The following BTNL8 variants were observed in gnomAD, a reference collection of about 807,000 sequenced individuals.
BTNL8 encodes the protein butyrophilin like 8, also known as butyrophilin-like protein 8.
In BTNL8, 22 loss-of-function variants were observed where a neutral mutation model predicts 36.1. The observed-to-expected ratio is 0.61, with a 90% CI of 0.44 to 0.87. The LOEUF (loss-of-function observed/expected upper bound fraction) is 0.87, where lower values mean the gene tolerates loss of function less well. Ranked by LOEUF, BTNL8 falls within the 40% of genes least tolerant of loss-of-function variation. BTNL8 has a pLI of 0.00. For synonymous variants in BTNL8, 203 were observed against 235.6 expected (o/e 0.86, Z 1.27); for missense variants, 526 against 616.9 (o/e 0.85, Z 1.56).
intron 1 of BTNL8, among the ~76,000 whole-genome samples, chr5:180,899,579 A>T (rs960444643): frequency 6.6e-6 from 1 of 152,204 alleles, no homozygotes; most frequent in African/African-American, 2.4e-5. Flanking sequence ...GTTGACGGGG[A>T]CACACCTAAC....
chr5:180,950,577 T>C lies in BTNL8; in HGVS notation c.*33T>C. On this transcript the variant is annotated 3_prime_UTR_variant, in exon 8 of 8. Coordinates refer to ENST00000340184, the MANE Select transcript of BTNL8 (RefSeq NM_001040462.3). ...CACATCCCACATTCTTCTTTAGGGA[T>C]ATTAAGGTCTCTCTCCCAGATCCAA... 1.4e-6 allele frequency: 2 copies of C among 1,451,562 alleles called. 1 individual carries two copies. Among genetic ancestry groups the C allele is most frequent in the South Asian group, 2.2e-5 (2 of 88,900 alleles). 89.9% of individuals were successfully genotyped at this position (1,451,562 alleles called of 1,614,324 possible). A position where few individuals can be genotyped will look rare whatever the true frequency, so the allele number is the denominator to read the frequency against.
chr5:180,934,415 C>T (rs912287574), intron 3 of BTNL8, among the ~76,000 whole-genome samples: 1 of 152,178 alleles, frequency 6.6e-6, no homozygotes, highest in African/African-American at 2.4e-5. Flanking sequence ...TTGTTCTGCC[C>T]CCTTGGCCTT....
In BTNL8 at chr5:180,908,871, A is replaced by G. The variant is rs561171905; in HGVS notation, c.335A>G (p.Tyr112Cys). ...ATTACTGTGTTGGATGCTGGCCTCT[A>G]TGGGTGCAGGATTAGTTCCCAGTCT... ...ENITVLDAGL[Y>C]GCRISSQSYY... Residue 112 changes from tyrosine (Y) to cysteine (C), a missense_variant, in exon 2 of 8, where the codon TAT becomes TGT. Physicochemically the swap from Tyr to Cys is radical, Grantham distance 194. Transcript: ENST00000340184. The G allele has an allele frequency of 9.3e-6, 15 of 1,614,188 alleles. 1 individual carries two copies. Among genetic ancestry groups the G allele is most frequent in the African/African-American group, 6.7e-5 (5 of 75,034 alleles).
chr5:180,908,507 G>T, intron 1 of BTNL8, 79 bp from the exon 2 acceptor site: 1 of 1,393,142 alleles, frequency 7.2e-7, no homozygotes, highest in Non-Finnish European at 9.9e-7. Flanking sequence ...GACCGGAGCT[G>T]TTCCTATTCG....
chr5:180,925,093 T>C (rs370920066), intron 3 of BTNL8, among the ~76,000 whole-genome samples: 1 of 151,834 alleles, frequency 6.6e-6, no homozygotes, highest in African/African-American at 2.4e-5. Context: ...TTTTAAATTA[T>C]CCAGTCAGAG....
intron 2 of BTNL8, among the ~76,000 whole-genome samples, chr5:180,909,405 A>G (rs1381911557): frequency 1.3e-5 from 2 of 152,098 alleles, no homozygotes; most frequent in Non-Finnish European, 2.9e-5. Context: ...CCTTATGAAC[A>G]TTTATTTTTA....
At chr5:180,899,415 C>A in intron 1 of BTNL8, 56 bp downstream of exon 1, 2 of 1,545,470 alleles carry the variant, frequency 1.3e-6, no homozygotes, top group Admixed American at 1.7e-5. Flanking sequence ...TCTTTAGCTA[C>A]AATGGTTGCA....
intron 3 of BTNL8, among the ~76,000 whole-genome samples, chr5:180,938,839 A>T (rs1199741375): frequency 6.6e-6 from 1 of 152,294 alleles, no homozygotes; most frequent in East Asian, 1.9e-4. Context: ...AAAAAAGCCA[A>T]CTAAGACATG....
At position 180,932,571 on chromosome 5, in the gene BTNL8, G is replaced by C. The variant is rs192119576; in HGVS notation, c.674-14941G>C. 2.8e-3 allele frequency among the ~76,000 whole-genome samples: 422 copies of C among 152,068 alleles called. 2 individuals are homozygous for C. The highest frequency in any genetic ancestry group is 9.4e-3 in the African/African-American group (391 of 41,454). On this transcript the variant is annotated intron_variant, in intron 3 of 7. Coordinates refer to ENST00000340184, the MANE Select transcript of BTNL8 (RefSeq NM_001040462.3). ...TCACCATGTTAGCTAGGATGGTCTC[G>C]ATCTCCTGACCTCGTGATCCGCCCG... is the stretch of plus-strand genomic sequence containing the variant.
At chr5:180,908,489 G>A in intron 1 of BTNL8, 97 bp from the exon 2 acceptor site, 3 of 1,181,568 alleles carry the variant, frequency 2.5e-6, no homozygotes, top group Non-Finnish European at 3.6e-6. Context: ...CTCACTCTGG[G>A]AGCTGTAGAC....
Position 180,950,850 on chromosome 5 carries a change from C to T in BTNL8, c.*306C>T. ...CAAGGAATGTGAATAATGCTTAGAT[C>T]TTATTGATGACAGAGTGTATCCTAA... On this transcript the variant is annotated 3_prime_UTR_variant, in exon 8 of 8. Transcript: ENST00000340184. 1 of 375,630 alleles carries T rather than the reference C, an allele frequency of 2.7e-6. No homozygotes were observed. Among genetic ancestry groups the T allele is most frequent in the Admixed American group, 4.4e-5 (1 of 22,602 alleles). 23.3% of individuals were successfully genotyped at this position (375,630 alleles called of 1,614,324 possible). A position where few individuals can be genotyped will look rare whatever the true frequency, so the allele number is the denominator to read the frequency against.
chr5:180,912,406 A>T (rs1232953297), intron 3 of BTNL8, among the ~76,000 whole-genome samples: 4 of 143,392 alleles, frequency 2.8e-5, no homozygotes, highest in Non-Finnish European at 6.0e-5. Flanking sequence ...TTCTCTCTCA[A>T]ATATATAGAA....
At chr5:180,932,571 G>A (rs192119576) in intron 3 of BTNL8, among the ~76,000 whole-genome samples, 4 of 152,070 alleles carry the variant, frequency 2.6e-5, no homozygotes, top group African/African-American at 7.2e-5. Context: ...GGATGGTCTC[G>A]ATCTCCTGAC....
intron 3 of BTNL8, among the ~76,000 whole-genome samples, chr5:180,920,627 A>G (rs941553084): frequency 6.6e-6 from 1 of 152,116 alleles, no homozygotes; most frequent in Non-Finnish European, 1.5e-5. Context: ...TTTGCACAGC[A>G]AAGGAGATAA....
In BTNL8 at chr5:180,937,463, C is replaced by A. The variant is rs565782314; in HGVS notation, c.674-10049C>A. Among the ~76,000 whole-genome samples, 5 of 152,310 alleles carry A rather than the reference C, an allele frequency of 3.3e-5. No individual in the cohort carries two copies. In the South Asian group the frequency reaches 1.0e-3, roughly 32 times the overall value. On this transcript the variant is annotated intron_variant, in intron 3 of 7. Coordinates refer to ENST00000340184, the MANE Select transcript of BTNL8 (RefSeq NM_001040462.3). ...ATACAGCACCCACGTATCCAACCAA[C>A]ACCATAGGACTCATCTACAGGAAAA...
intron 1 of BTNL8, chr5:180,902,517 G>GTTT: frequency 7.4e-6 from 6 of 806,990 alleles, no homozygotes; most frequent in African/African-American, 1.8e-5. Flanking sequence ...ACTATAAAGG[G>GTTT]TTTTTTTTTT....
rs1178985013 is a variant in BTNL8 at position 180,931,379 on chromosome 5, C to G, written c.674-16133C>G. Among the ~76,000 whole-genome samples, 9 of 152,244 alleles carry G rather than the reference C, an allele frequency of 5.9e-5. No homozygotes were observed. The East Asian group carries it at 9.6e-4, about 16-fold the overall frequency. ...CCCTAGAAGAAAACCTAGGGAATAA[C>G]ATTCAGGATATAGGCATGGGCAAAG... On this transcript the variant is annotated intron_variant, in intron 3 of 7. Transcript: ENST00000340184.
At chr5:180,929,205 G>A (rs2113826021) in intron 3 of BTNL8, among the ~76,000 whole-genome samples, 1 of 152,296 alleles carries the variant, frequency 6.6e-6, no homozygotes, top group South Asian at 2.1e-4. Flanking sequence ...ACCTATTCCT[G>A]AATGACTACT....
At chr5:180,903,906 C>G (rs1204321924) in intron 1 of BTNL8, among the ~76,000 whole-genome samples, 1 of 127,380 alleles carries the variant, frequency 7.9e-6, no homozygotes, top group African/African-American at 3.4e-5. Flanking sequence ...GTACCAGTAC[C>G]ATGCTGTTTT....
Sources: gnomAD v4.1 joint callset for allele counts (sites outside exome capture counted in the v4.1 genomes callset) on GRCh38, gnomAD v4.1.1 for gene constraint, MANE v1.5 for transcripts, NCBI Gene and HGNC (gene_info 2026-07-23, HGNC 2026-07-21) for gene names.